Variants in ZFAT observed in about 807,000 individuals in gnomAD.
ZFAT encodes the protein zinc finger and AT-hook domain containing, also known as zinc finger protein ZFAT.
A neutral mutation model predicts 117.7 loss-of-function variants in ZFAT; 64 were observed. The observed-to-expected ratio is 0.54, with a 90% confidence interval of 0.44 to 0.67. ZFAT has a LOEUF of 0.67. ZFAT is among the 30% of genes least tolerant of loss of function. The pLI is 0.00. For missense variants in ZFAT, 1,433 were observed against 1,584.5 expected (o/e 0.90, Z 1.62); for synonymous variants, 679 against 615.0 (o/e 1.10, Z -1.54).
chr8:134,534,671 G>A (rs1217456401), intron 11 of ZFAT, among the ~76,000 whole-genome samples: 2 of 148,622 alleles, frequency 1.3e-5, no homozygotes, highest in Non-Finnish European at 3.0e-5. Context: ...GACAAGAAGA[G>A]AGAGGAGGAG....
At chr8:134,635,460 C>T (rs758489586) in intron 3 of ZFAT, among the ~76,000 whole-genome samples, 20 of 152,270 alleles carry the variant, frequency 1.3e-4, no homozygotes, top group South Asian at 8.3e-4. Flanking sequence ...AGAAAATGAT[C>T]GGAGAGAACT....
chr8:134,800,798 G>C, the ZFAT span, among the ~76,000 whole-genome samples: 2 of 152,068 alleles, frequency 1.3e-5, no homozygotes, highest in Admixed American at 1.3e-4. Flanking sequence ...AAGTGGGGGC[G>C]TGTCCAGGGC....
chr8:134,534,178 C>G (rs945985063), intron 11 of ZFAT, among the ~76,000 whole-genome samples: 1 of 152,144 alleles, frequency 6.6e-6, no homozygotes, highest in Admixed American at 6.5e-5. Context: ...AGGCTCATGC[C>G]CATGTCATAA....
chr8:134,831,374 AG>A, the ZFAT span, among the ~76,000 whole-genome samples: 1 of 152,204 alleles, frequency 6.6e-6, no homozygotes, highest in Non-Finnish European at 1.5e-5. Flanking sequence ...TTTATCATTT[AG>A]TCCTAAAATA....
chr8:134,745,413 G>T, the ZFAT span, among the ~76,000 whole-genome samples: 1 of 152,206 alleles, frequency 6.6e-6, no homozygotes, highest in Admixed American at 6.5e-5. Context: ...AATGCAGAAA[G>T]GTTCTGCCCT....
chr8:134,784,391 T>C, the ZFAT span: 14 of 152,320 alleles, frequency 9.2e-5, no homozygotes, highest in East Asian at 2.3e-3. Context: ...TTCAGAAGTA[T>C]GTAAAATTGG....
At chr8:134,737,844 G>C in the ZFAT span, among the ~76,000 whole-genome samples, 1 of 152,190 alleles carries the variant, frequency 6.6e-6, no homozygotes. Context: ...TTGTCTATGA[G>C]ATTGGTGGGT....
intron 10 of ZFAT, among the ~76,000 whole-genome samples, chr8:134,578,186 G>A (rs920833537): frequency 1.2e-4 from 18 of 152,096 alleles, no homozygotes; most frequent in Non-Finnish European, 2.5e-4. Flanking sequence ...GCTGAGGCGG[G>A]CAGATCACCT....
intron 7 of ZFAT, among the ~76,000 whole-genome samples, chr8:134,594,030 C>T (rs1040619300): frequency 2.0e-5 from 3 of 152,214 alleles, no homozygotes; most frequent in East Asian, 1.9e-4. Context: ...GAGCCAGAAA[C>T]GTGCTCGATT....
the ZFAT span, among the ~76,000 whole-genome samples, chr8:134,779,726 T>C: frequency 2.6e-5 from 4 of 152,210 alleles, no homozygotes; most frequent in Non-Finnish European, 5.9e-5. Context: ...TAAAACCATA[T>C]TACAGCATGT....
chr8:134,718,470 C>T, the ZFAT span, among the ~76,000 whole-genome samples: 35 of 152,230 alleles, frequency 2.3e-4, no homozygotes, highest in East Asian at 5.4e-3. Context: ...TCACTCCAGC[C>T]TGGGCGACAG....
chr8:134,592,134 T>C (rs564955895), intron 7 of ZFAT, among the ~76,000 whole-genome samples: 1 of 152,368 alleles, frequency 6.6e-6, no homozygotes, highest in South Asian at 2.1e-4. Flanking sequence ...ACAGAAGGAC[T>C]AATTCCCTCT....
the ZFAT span, among the ~76,000 whole-genome samples, chr8:134,770,297 C>G: frequency 0.019 from 2,911 of 152,296 alleles, 78 homozygotes; most frequent in African/African-American, 0.067. Flanking sequence ...AATGGAGGGA[C>G]CGGCTGAAGC....
At chr8:134,769,457 G>A in the ZFAT span, among the ~76,000 whole-genome samples, 9 of 152,324 alleles carry the variant, frequency 5.9e-5, no homozygotes, top group Non-Finnish European at 1.2e-4. Flanking sequence ...TCTCACTGAT[G>A]CAAGAGGTGG....
intron 11 of ZFAT, among the ~76,000 whole-genome samples, chr8:134,542,395 T>C (rs575789469): frequency 6.6e-6 from 1 of 152,340 alleles, no homozygotes; most frequent in Admixed American, 6.5e-5. Context: ...ACAGATAATT[T>C]TGTTACCGGG....
chr8:134,523,426 G>C (rs1445387304), intron 12 of ZFAT, among the ~76,000 whole-genome samples: 2 of 152,194 alleles, frequency 1.3e-5, no homozygotes, highest in African/African-American at 4.8e-5. Context: ...GTGCATCCCA[G>C]TGTCTCCCAC....
At chr8:134,526,632 A>C (rs1308535817) in intron 12 of ZFAT, among the ~76,000 whole-genome samples, 4 of 152,238 alleles carry the variant, frequency 2.6e-5, no homozygotes, top group Admixed American at 2.6e-4. Flanking sequence ...GCATTAAAAT[A>C]TCTCTGCTCC....
At chr8:134,528,932 A>G (rs190600847) in intron 12 of ZFAT, among the ~76,000 whole-genome samples, 1 of 152,334 alleles carries the variant, frequency 6.6e-6, no homozygotes, top group Non-Finnish European at 1.5e-5. Flanking sequence ...ACATGCTCAA[A>G]GTAGAAATAT....
At chr8:134,796,761 T>A in the ZFAT span, 2 of 152,206 alleles carry the variant, frequency 1.3e-5, no homozygotes, top group African/African-American at 4.8e-5. Flanking sequence ...CTAGTGACTA[T>A]GAAGCACAAA....
Sources: gnomAD v4.1 joint callset for allele counts (sites outside exome capture counted in the v4.1 genomes callset) on GRCh38, gnomAD v4.1.1 for gene constraint, MANE v1.5 for transcripts, NCBI Gene and HGNC (gene_info 2026-07-23, HGNC 2026-07-21) for gene names.